SVEP1: variants seen among roughly 807,000 people sequenced by gnomAD.
SVEP1 encodes the protein sushi, von Willebrand factor type A, EGF and pentraxin domain-containing protein 1.
In SVEP1, 164 loss-of-function variants were observed where a neutral mutation model predicts 367.3. The ratio of observed to expected loss-of-function variants is 0.45; its 90% CI spans 0.39 to 0.51. The LOEUF (loss-of-function observed/expected upper bound fraction) is 0.51. Among genes scored for constraint, SVEP1 ranks in the 20% least tolerant of loss-of-function variants. The pLI is 0.00. For missense variants in SVEP1, 4,117 were observed against 4,425.3 expected, an observed-to-expected ratio of 0.93 and a Z score of 1.98; for synonymous variants, 1,666 against 1,611.6, an observed-to-expected ratio of 1.03 and a Z score of -0.81.
Position 110,489,647 on chromosome 9 carries a change from T to C in SVEP1, c.1930+3A>G, listed in dbSNP as rs916696214. The C allele has an allele frequency of 6.2e-7, 1 of 1,611,098 alleles. No individual in the cohort carries two copies. Among genetic ancestry groups the C allele is most frequent in the African/African-American group, 1.3e-5 (1 of 74,856 alleles). ...GGGGAAACAACCAAACTATATCACTTACCAATAACCTTGATATGGAAAATG... is the reference window on the plus strand; with the variant it reads ...GGGGAAACAACCAAACTATATCACTCACCAATAACCTTGATATGGAAAATG... On this transcript the variant is annotated splice_donor_region_variant and intron_variant, in intron 9 of 47. Transcript: ENST00000374469.
intron 9 of SVEP1, 48 bp downstream of exon 9, chr9:110,489,602 G>C (rs1294879825): frequency 1.5e-5 from 23 of 1,556,972 alleles, no homozygotes; most frequent in Admixed American, 5.7e-5. Context: ...GGGAGCCACA[G>C]TTCAAGATGA....
chr9:110,413,579 T>G (rs985970140), intron 36 of SVEP1, among the ~76,000 whole-genome samples: 2 of 151,994 alleles, frequency 1.3e-5, no homozygotes, highest in Non-Finnish European at 2.9e-5. Context: ...CTTCTGCATA[T>G]GGCTCTGCTA....
At chr9:110,560,180 A>G (rs1830408265) in intron 1 of SVEP1, among the ~76,000 whole-genome samples, 1 of 152,174 alleles carries the variant, frequency 6.6e-6, no homozygotes, top group African/African-American at 2.4e-5. Context: ...TACTGTTACA[A>G]TTGTCCACAG....
chr9:110,484,802 A>C (rs1463503760), intron 9 of SVEP1, among the ~76,000 whole-genome samples: 2 of 152,202 alleles, frequency 1.3e-5, no homozygotes, highest in African/African-American at 4.8e-5. Context: ...TCAAAAGAAG[A>C]TATTTATGCG....
chr9:110,426,587 T>C (rs1828257015), intron 36 of SVEP1, among the ~76,000 whole-genome samples: 2 of 152,230 alleles, frequency 1.3e-5, no homozygotes, highest in African/African-American at 4.8e-5. Context: ...ACAACTGTAG[T>C]AAATCTGGAG....
At chr9:110,416,597 A>G (rs2781264) in intron 36 of SVEP1, among the ~76,000 whole-genome samples, 129,437 of 151,786 alleles carry the variant, frequency 0.85, 55,767 homozygotes, top group African/African-American at 0.97. Context: ...AAATATTTGC[A>G]GTGAAAATGA....
chr9:110,452,261 TAATA>T (rs1828705382), intron 22 of SVEP1, among the ~76,000 whole-genome samples: 1 of 152,230 alleles, frequency 6.6e-6, no homozygotes, highest in Admixed American at 6.5e-5. Context: ...ATTTAATGTC[TAATA>T]AATAACATAC....
chr9:110,482,344 A>T lies in SVEP1; in HGVS notation c.2170+17T>A, dbSNP rs12115783. The T allele has an allele frequency of 6.2e-7, 1 of 1,605,926 alleles. No individual in the cohort carries two copies. Among genetic ancestry groups the T allele is most frequent in the South Asian group, 1.1e-5 (1 of 89,582 alleles). On this transcript the variant is annotated intron_variant, in intron 11 of 47. Coordinates refer to ENST00000374469, the MANE Select transcript of SVEP1 (RefSeq NM_153366.4). ...TCAAATGTCAACTAGAATTCTGGGG[A>T]CTTATGAAGACAATACCTTTTATGA...
intron 9 of SVEP1, among the ~76,000 whole-genome samples, chr9:110,485,788 T>C (rs555723982): frequency 9.9e-5 from 15 of 152,272 alleles, no homozygotes; most frequent in African/African-American, 3.6e-4. Flanking sequence ...AGCTATTAAA[T>C]TGTAGCCACA....
chr9:110,542,171 A>G (rs2118836676), intron 3 of SVEP1, among the ~76,000 whole-genome samples: 1 of 152,226 alleles, frequency 6.6e-6, no homozygotes, highest in Admixed American at 6.6e-5. Flanking sequence ...TGTATATAAG[A>G]TGTTATTTTC....
intron 3 of SVEP1, among the ~76,000 whole-genome samples, chr9:110,532,315 C>T (rs887206395): frequency 5.9e-5 from 9 of 152,090 alleles, no homozygotes; most frequent in African/African-American, 2.2e-4. Flanking sequence ...ATTTATGACC[C>T]TCAAATTTCA....
chr9:110,543,468 CTACATATATTT>C (rs113110478), intron 3 of SVEP1, among the ~76,000 whole-genome samples: 2,088 of 152,292 alleles, frequency 0.014, 48 homozygotes, highest in African/African-American at 0.048. Flanking sequence ...GCCCACCCAA[CTACATATATTT>C]TACAGACTGC....
chr9:110,504,493 A>T (rs1331144337), intron 5 of SVEP1, among the ~76,000 whole-genome samples: 1 of 152,232 alleles, frequency 6.6e-6, no homozygotes, highest in Non-Finnish European at 1.5e-5. Flanking sequence ...AGTATATGAT[A>T]CTGTGGGAAC....
rs369787047 is a variant in SVEP1, at chr9:110,404,340, A to G, written c.9653T>C (p.Ile3218Thr). The G allele has an allele frequency of 7.4e-6, 12 of 1,613,840 alleles. No individual in the cohort carries two copies. The highest frequency in any genetic ancestry group is 9.3e-6 in the Non-Finnish European group (11 of 1,179,858). ...ACAGAATCTTACCTGACATACTGATATGTTAACTCCCTCAAAGGTATACCC... is the reference window on the plus strand; with the variant it reads ...ACAGAATCTTACCTGACATACTGATGTGTTAACTCCCTCAAAGGTATACCC... ...AEGYTFEGVN[I>T]SVCQLDGTWE... Residue 3218 changes from isoleucine (I) to threonine (T), a missense_variant, in exon 39 of 48, where the codon ATA (isoleucine) becomes ACA (threonine). Around this residue, in one of 4 missense-constraint regions of SVEP1, gnomAD observed 1,765 missense variants for 1,781.1 expected, o/e 0.99. Coordinates refer to ENST00000374469, the MANE Select transcript of SVEP1 (RefSeq NM_153366.4).
At chr9:110,447,786 AT>A (rs1232659744) in intron 24 of SVEP1, among the ~76,000 whole-genome samples, 1 of 152,238 alleles carries the variant, frequency 6.6e-6, no homozygotes, top group Non-Finnish European at 1.5e-5. Context: ...AGGGACCCAT[AT>A]AACAAATGTT....
chr9:110,391,271 C>CTTTTTTT (rs35309188), intron 40 of SVEP1, among the ~76,000 whole-genome samples: 1 of 125,244 alleles, frequency 8.0e-6, no homozygotes, highest in Non-Finnish European at 1.7e-5. Flanking sequence ...TACTTTTTGT[C>CTTTTTTT]TTTTTTTTTT....
intron 18 of SVEP1, among the ~76,000 whole-genome samples, chr9:110,464,577 A>G (rs1828907398): frequency 6.6e-6 from 1 of 152,156 alleles, no homozygotes; most frequent in African/African-American, 2.4e-5. Context: ...GGATGAAGTT[A>G]AGCATGGCTG....
At chr9:110,375,865 T>C (rs945485970) in intron 45 of SVEP1, among the ~76,000 whole-genome samples, 7 of 152,198 alleles carry the variant, frequency 4.6e-5, no homozygotes, top group Non-Finnish European at 1.0e-4. Context: ...GCTCTTCCTG[T>C]CTTGAACTAA....
chr9:110,475,664 T>C (rs964448561), intron 14 of SVEP1, among the ~76,000 whole-genome samples: 4 of 151,932 alleles, frequency 2.6e-5, no homozygotes, highest in African/African-American at 4.8e-5. Context: ...TCCCCCTAAG[T>C]AGCTGGGACT....
Sources: allele counts gnomAD v4.1 joint callset (sites outside exome capture counted in the v4.1 genomes callset), GRCh38; gene constraint gnomAD v4.1.1; regional missense constraint gnomAD v4.1.1; transcripts MANE v1.5; gene names NCBI Gene and HGNC (gene_info 2026-07-23, HGNC 2026-07-21).